FGL1: variants seen among roughly 807,000 people sequenced by gnomAD.
The protein encoded by FGL1 is fibrinogen-like protein 1.
A neutral mutation model predicts 43.7 loss-of-function variants in FGL1; 59 were observed. The ratio of observed to expected loss-of-function variants is 1.35; its 90% confidence interval spans 1.10 to 1.68. The LOEUF (loss-of-function observed/expected upper bound fraction) is 1.68. Among genes scored for constraint, FGL1 ranks in the 40% most tolerant of loss-of-function variants. The pLI, the probability that FGL1 is intolerant of heterozygous loss-of-function variation, is 0.00. For missense variants in FGL1, 596 were observed against 373.0 expected (o/e 1.60, Z -4.92); for synonymous variants, 192 against 126.5 (o/e 1.52, Z -3.48).
intron 3 of FGL1, among the ~76,000 whole-genome samples, chr8:17,875,491 CT>C (rs1563452137): frequency 0.065 from 522 of 8,092 alleles, 22 homozygotes; most frequent in African/African-American, 0.1. Flanking sequence ...CTCTTTCTTT[CT>C]TTCTTTCTTT....
At chr8:17,883,611 T>C (rs902112766) in intron 2 of FGL1, among the ~76,000 whole-genome samples, 10 of 143,234 alleles carry the variant, frequency 7.0e-5, no homozygotes, top group Non-Finnish European at 1.4e-4. Flanking sequence ...ACATAATGGA[T>C]TTATATAGTA....
intron 3 of FGL1, among the ~76,000 whole-genome samples, chr8:17,881,396 A>T (rs989441743): frequency 6.6e-6 from 1 of 151,574 alleles, no homozygotes; most frequent in Non-Finnish European, 1.5e-5. Context: ...AGGCCTCCCA[A>T]CGTGCTGGGA....
intron 1 of FGL1, among the ~76,000 whole-genome samples, chr8:17,886,771 TGAGAGGAGAAGAGAG>T: frequency 9.0e-6 from 1 of 110,778 alleles, no homozygotes; most frequent in African/African-American, 3.4e-5. Flanking sequence ...AGAAACGAAA[TGAGAGGAGAAGAGAG>T]GAGAGGAGAG....
intron 5 of FGL1, among the ~76,000 whole-genome samples, chr8:17,872,996 G>C (rs999077429): frequency 6.6e-6 from 1 of 152,152 alleles, no homozygotes; most frequent in African/African-American, 2.4e-5. Flanking sequence ...GTGGTAGGTT[G>C]AAACTTCTTT....
rs191151151 is a variant in FGL1 at position 17,873,057 on chromosome 8, G to T, written c.502+962C>A. Among the ~76,000 whole-genome samples the T allele has an allele frequency of 3.1e-4, 47 of 152,242 alleles. 1 individual carries two copies. Among genetic ancestry groups the T allele is most frequent in the Admixed American group, 8.5e-4 (13 of 15,292 alleles). On this transcript the variant is annotated intron_variant, in intron 5 of 7. Transcript: ENST00000427924. ...TTTCAGCATTAAAGATGAGATGTAT[G>T]TGGAAACATGGACATTTCATATATT...
Position 17,864,755 on chromosome 8 carries a change from G to A in FGL1, c.780-4C>T, listed in dbSNP as rs767082883. 2.8e-6 allele frequency: 4 copies of A among 1,448,958 alleles called. No homozygotes were observed. The highest frequency in any genetic ancestry group is 3.7e-6 in the Non-Finnish European group (4 of 1,095,566). 89.8% of individuals were successfully genotyped at this position (1,448,958 alleles called of 1,614,324 possible). ...ATTCAGGTTTGCAGAGTGACACCTA[G>A]TGGAAGGGAGAAAAAAAAAGAAAAC... is the stretch of plus-strand genomic sequence containing the variant. On this transcript the variant is annotated splice_polypyrimidine_tract_variant and splice_region_variant and intron_variant, in intron 7 of 7. Transcript: ENST00000427924.
At chr8:17,882,240 T>C in intron 2 of FGL1, 61 bp from the exon 3 acceptor site, 1 of 1,452,472 alleles carries the variant, frequency 6.9e-7, no homozygotes, top group Non-Finnish European at 9.3e-7. Flanking sequence ...CAAGTGCTTT[T>C]TAAACATTTG....
intron 2 of FGL1, among the ~76,000 whole-genome samples, chr8:17,884,874 C>G (rs375302664): frequency 5.3e-5 from 8 of 152,090 alleles, no homozygotes; most frequent in African/African-American, 1.9e-4. Context: ...GATGTAATTA[C>G]TTTCAAATAA....
intron 5 of FGL1, among the ~76,000 whole-genome samples, chr8:17,870,365 T>C (rs551996248): frequency 5.6e-4 from 86 of 152,324 alleles, no homozygotes; most frequent in South Asian, 1.7e-3. Context: ...AACAGAACTC[T>C]TGTCAGGGGC....
At position 17,864,431 on chromosome 8, in the gene FGL1, G is replaced by A; in HGVS notation, c.*161C>T. ...TTTATTTGGTGAATATTGCATATCT[G>A]CTGTACTGAAAGCACATTAAGTAAC... On this transcript the variant is annotated 3_prime_UTR_variant, in exon 8 of 8. Coordinates refer to ENST00000427924, the MANE Select transcript of FGL1 (RefSeq NM_004467.4). 1.5e-6 allele frequency: 1 copy of A among 661,296 alleles called. No individual in the cohort carries two copies. Among genetic ancestry groups the A allele is most frequent in the Non-Finnish European group, 2.5e-6 (1 of 404,680 alleles). The allele number at this position is 661,296 out of a possible 1,614,324, so 41.0% of individuals were successfully genotyped here. A position where few individuals can be genotyped will look rare whatever the true frequency, so the allele number is the denominator to read the frequency against.
chr8:17,865,341 C>A (rs1253078240), intron 7 of FGL1, among the ~76,000 whole-genome samples: 2 of 152,196 alleles, frequency 1.3e-5, no homozygotes, highest in African/African-American at 2.4e-5. Context: ...GCAAGGTGCT[C>A]TACTACTGGC....
chr8:17,887,872 T>C (rs1351927172), intron 1 of FGL1, among the ~76,000 whole-genome samples: 1 of 152,086 alleles, frequency 6.6e-6, no homozygotes, highest in African/African-American at 2.4e-5. Flanking sequence ...CATTTTTCCA[T>C]TAAAGTTATC....
chr8:17,884,639 G>A (rs2053601263), intron 2 of FGL1, among the ~76,000 whole-genome samples: 2 of 152,150 alleles, frequency 1.3e-5, no homozygotes, highest in Non-Finnish European at 2.9e-5. Context: ...TCTGGGTCCT[G>A]AGTTGTTTTA....
chr8:17,885,744 A>C (rs2053618651), intron 1 of FGL1, 173 bp from the exon 2 acceptor site: 1 of 590,616 alleles, frequency 1.7e-6, no homozygotes, highest in East Asian at 2.8e-5. Flanking sequence ...ACAGAATGAC[A>C]CTGAGTGTTA....
intron 3 of FGL1, among the ~76,000 whole-genome samples, chr8:17,881,561 C>A (rs907737906): frequency 6.7e-6 from 1 of 149,466 alleles, no homozygotes; most frequent in Non-Finnish European, 1.5e-5. Flanking sequence ...CGGCTGGGCA[C>A]GGTGGCTCAC....
chr8:17,891,737 A>C, intron 1 of FGL1: 1 of 983,696 alleles, frequency 1.0e-6, no homozygotes, highest in Non-Finnish European at 1.2e-6. Flanking sequence ...ACAGTTGCTT[A>C]TGGGAGATCA....
At chr8:17,894,765 T>C (rs1175168230) in intron 1 of FGL1, among the ~76,000 whole-genome samples, 1 of 146,670 alleles carries the variant, frequency 6.8e-6, no homozygotes, top group Non-Finnish European at 1.5e-5. Context: ...TGTTTGATTC[T>C]GGCTCTTGCA....
intron 3 of FGL1, among the ~76,000 whole-genome samples, chr8:17,875,824 C>T (rs2053448187): frequency 6.6e-6 from 1 of 152,010 alleles, no homozygotes; most frequent in Non-Finnish European, 1.5e-5. Context: ...CCAGACTGGT[C>T]TCAAACTCCT....
rs1208076156 is a variant in FGL1, at chr8:17,864,628, T to A, written c.903A>T (p.Lys301Asn). 6.2e-7 allele frequency: 1 copy of A among 1,610,738 alleles called. No homozygotes were observed. ...TTGGAATAAAATCATTTGGCCTAAT[T>A]TTCATAACCACAGATTTCAGAGAAT... ...WWYSLKSVVM[K>N]IRPNDFIPNV... Residue 301 changes from lysine (K) to asparagine (N), a missense_variant, in exon 8 of 8, where the codon AAA becomes AAT. By Grantham distance (94) the Lys-to-Asn change is moderately conservative (BLOSUM62 0). Transcript: ENST00000427924.
Sources: gnomAD v4.1 joint callset for allele counts (sites outside exome capture counted in the v4.1 genomes callset) on GRCh38, gnomAD v4.1.1 for gene constraint, MANE v1.5 for transcripts, NCBI Gene and HGNC (gene_info 2026-07-23, HGNC 2026-07-21) for gene names.